The following KDM7A variants were observed in gnomAD, a reference collection of about 807,000 sequenced individuals.
KDM7A encodes lysine demethylase 7A.
KDM7A carries 28 observed loss-of-function variants against 114.8 expected under a neutral mutation model. The ratio of observed to expected loss-of-function variants is 0.24; its 90% confidence interval spans 0.18 to 0.33. KDM7A has a LOEUF of 0.33. Among genes scored for constraint, KDM7A ranks in the 10% least tolerant of loss-of-function variants. The probability of loss-of-function intolerance (pLI) is 1.00; values close to 1 mark genes in which losing one functional copy is unlikely to be tolerated. For synonymous variants in KDM7A, 423 were observed against 397.8 expected (o/e 1.06, Z -0.75); for missense variants, 942 against 1,142.5 (o/e 0.82, Z 2.53).
intron 1 of KDM7A, among the ~76,000 whole-genome samples, chr7:140,157,713 C>T (rs62491428): frequency 0.061 from 9,329 of 151,752 alleles, 364 homozygotes; most frequent in Non-Finnish European, 0.09. Context: ...CCTGTAATCC[C>T]AGCACTTTGG....
In KDM7A at chr7:140,126,623, T is replaced by G. The variant is rs764620327; in HGVS notation, c.888+14A>C. On this transcript the variant is annotated intron_variant, in intron 6 of 19. Coordinates refer to ENST00000397560, the MANE Select transcript of KDM7A (RefSeq NM_030647.2). ...TTTTTGTCAGTGAGAGAACAAAAAA[T>G]ACCCCAATCTTACCCAGAGGACATG... 16 of 1,538,454 alleles carry G rather than the reference T, an allele frequency of 1.0e-5. No individual in the cohort carries two copies. Among genetic ancestry groups the G allele is most frequent in the Non-Finnish European group, 1.4e-5 (16 of 1,140,220 alleles).
intron 1 of KDM7A, among the ~76,000 whole-genome samples, chr7:140,165,311 A>G (rs1267663985): frequency 1.3e-5 from 2 of 152,246 alleles, no homozygotes; most frequent in African/African-American, 4.8e-5. Context: ...TTTAGAAACA[A>G]TATTTTAAAA....
At chr7:140,124,825 A>G (rs758357220) in intron 6 of KDM7A, 42 bp from the exon 7 acceptor site, 1 of 1,229,550 alleles carries the variant, frequency 8.1e-7, no homozygotes, top group Non-Finnish European at 1.2e-6. Context: ...AGCAAAAGCC[A>G]TACTTAGGAT....
chr7:140,100,312 G>C (rs1818180011), intron 12 of KDM7A, among the ~76,000 whole-genome samples: 1 of 152,174 alleles, frequency 6.6e-6, no homozygotes, highest in Non-Finnish European at 1.5e-5. Flanking sequence ...GCAGAAAGCT[G>C]AAAAACTGGA....
At position 140,097,566 on chromosome 7, in the gene KDM7A, G is replaced by A. The variant is rs367777525; in HGVS notation, c.1995C>T (p.Ser665=). ...GYSDISESED[S]GPECTALKSI... is the part of the protein sequence containing the mutation. Reference sequence around the variant, plus strand: ...GTACCAGTGCAGTGCACTCGGGTCCGGAGTCTTCTGACTCAGAAATATCAG... The same window carrying A: ...GTACCAGTGCAGTGCACTCGGGTCCAGAGTCTTCTGACTCAGAAATATCAG... Residue 665 remains serine (S), a synonymous_variant, in exon 15 of 20, where the codon TCC becomes TCT. Coordinates refer to ENST00000397560, the MANE Select transcript of KDM7A (RefSeq NM_030647.2). 6.9e-5 allele frequency: 110 copies of A among 1,599,536 alleles called. No homozygotes were observed. Among genetic ancestry groups the A allele is most frequent in the African/African-American group, 5.4e-4 (40 of 74,618 alleles).
chr7:140,120,503 G>T lies in KDM7A; in HGVS notation c.1078C>A (p.Gln360Lys). The stretch of plus-strand genomic sequence containing the variant: ...TTCCCCCCAAAAGCCATACAGTCCT[G>T]AGAAGTGAGCACAGCATGGATCCAC... ...TGWIHAVLTS[Q>K]DCMAFGGNFL... is the part of the protein sequence containing the mutation. The change falls in exon 8 of 20, where the codon CAG becomes AAG. Residue 360 changes from glutamine to lysine, a missense_variant. Physicochemically the swap from Gln to Lys is moderately conservative, Grantham distance 53. Around this residue, in one of 4 missense-constraint regions of KDM7A, gnomAD observed 318 missense variants for 453.1 expected, o/e 0.70. Transcript: ENST00000397560. 1 of 1,611,890 alleles carries T rather than the reference G, an allele frequency of 6.2e-7. No individual in the cohort carries two copies. The highest frequency in any genetic ancestry group is 8.5e-7 in the Non-Finnish European group (1 of 1,178,110).
At chr7:140,109,279 A>G (rs1314252224) in intron 11 of KDM7A, among the ~76,000 whole-genome samples, 2 of 152,178 alleles carry the variant, frequency 1.3e-5, no homozygotes, top group African/African-American at 4.8e-5. Flanking sequence ...CCACTGTCCA[A>G]CAAGCCCCAG....
At chr7:140,119,243 T>C in intron 8 of KDM7A, 24 bp from the exon 9 acceptor site, 2 of 1,265,002 alleles carry the variant, frequency 1.6e-6, no homozygotes, top group Non-Finnish European at 2.2e-6. Context: ...AAGAAATTTT[T>C]AATATTAATA....
intron 3 of KDM7A, among the ~76,000 whole-genome samples, chr7:140,132,864 G>C (rs1562954639): frequency 6.6e-6 from 1 of 152,138 alleles, no homozygotes; most frequent in East Asian, 1.9e-4. Context: ...GTGATACTGT[G>C]ATTTAAATTT....
In KDM7A at chr7:140,095,909, T is replaced by A. The variant is rs1041552494; in HGVS notation, c.2374+646A>T. 5.9e-5 allele frequency among the ~76,000 whole-genome samples: 9 copies of A among 151,992 alleles called. No homozygotes were observed. In the East Asian group the frequency reaches 9.6e-4, roughly 16 times the overall value. On this transcript the variant is annotated intron_variant, in intron 17 of 19. Coordinates refer to ENST00000397560, the MANE Select transcript of KDM7A (RefSeq NM_030647.2). ...ATAAATAAATAAATAATAAAAAAAA[T>A]TATTTCAGTGAAATGGATGTCAAGC... is the stretch of plus-strand genomic sequence containing the variant.
At chr7:140,100,063 C>A (rs758251050) in intron 12 of KDM7A, 40 bp from the exon 13 acceptor site, 1 of 1,611,256 alleles carries the variant, frequency 6.2e-7, no homozygotes, top group Non-Finnish European at 8.5e-7. Context: ...CATCCACCCT[C>A]AGGTAGCCCT....
intron 1 of KDM7A, among the ~76,000 whole-genome samples, chr7:140,150,644 G>A (rs1794389284): frequency 6.6e-6 from 1 of 152,076 alleles, no homozygotes; most frequent in African/African-American, 2.4e-5. Flanking sequence ...GTTGCCTCTG[G>A]GAAAAGAAAA....
At position 140,160,062 on chromosome 7, in the gene KDM7A, T is replaced by C. The variant is rs538022540; in HGVS notation, c.194+16682A>G. On this transcript the variant is annotated intron_variant, in intron 1 of 19. Transcript: ENST00000397560. ...TTTTAGATAATATTTTTTATTTCAATAAATACATATTTTCTTACACCTATT... is the reference window on the plus strand; with the variant it reads ...TTTTAGATAATATTTTTTATTTCAACAAATACATATTTTCTTACACCTATT... 2.0e-5 allele frequency among the ~76,000 whole-genome samples: 3 copies of C among 152,080 alleles called. No homozygotes were observed. In the South Asian group the frequency reaches 6.2e-4, roughly 32 times the overall value.
intron 9 of KDM7A, among the ~76,000 whole-genome samples, chr7:140,115,143 G>A (rs981968124): frequency 4.0e-5 from 6 of 148,466 alleles, no homozygotes; most frequent in Admixed American, 1.3e-4. Context: ...CCAGCCCCCG[G>A]CCAGCCAGCT....
chr7:140,158,795 A>G (rs1324380884), intron 1 of KDM7A, among the ~76,000 whole-genome samples: 2 of 152,212 alleles, frequency 1.3e-5, no homozygotes, highest in East Asian at 3.9e-4. Flanking sequence ...CCAGATGCCA[A>G]GTTAAGTGAT....
intron 7 of KDM7A, among the ~76,000 whole-genome samples, chr7:140,121,535 C>T (rs1426658815): frequency 6.6e-6 from 1 of 152,178 alleles, no homozygotes; most frequent in Non-Finnish European, 1.5e-5. Flanking sequence ...AAATCCTACA[C>T]ATCAGTGGTT....
intron 1 of KDM7A, among the ~76,000 whole-genome samples, chr7:140,157,807 C>CAA (rs879610946): frequency 2.2e-5 from 3 of 138,346 alleles, no homozygotes; most frequent in Non-Finnish European, 3.1e-5. Flanking sequence ...ACTAAAAATA[C>CAA]AAAAAAAAAA....
At chr7:140,121,404 T>G (rs1473749250) in intron 7 of KDM7A, among the ~76,000 whole-genome samples, 1 of 152,226 alleles carries the variant, frequency 6.6e-6, no homozygotes, top group African/African-American at 2.4e-5. Flanking sequence ...CTCACTGAAC[T>G]GTAACACAAA....
intron 1 of KDM7A, among the ~76,000 whole-genome samples, chr7:140,157,584 G>A (rs181579578): frequency 1.4e-4 from 21 of 152,256 alleles, no homozygotes; most frequent in Non-Finnish European, 2.2e-4. Context: ...AGCCTGGGAG[G>A]TCAAGGCTGC....
Sources: allele counts gnomAD v4.1 joint callset (sites outside exome capture counted in the v4.1 genomes callset), GRCh38; gene constraint gnomAD v4.1.1; regional missense constraint gnomAD v4.1.1; transcripts MANE v1.5; gene names NCBI Gene and HGNC (gene_info 2026-07-23, HGNC 2026-07-21).